Variants in SHPRH observed in about 807,000 individuals in gnomAD.
SHPRH encodes E3 ubiquitin-protein ligase SHPRH.
Under a neutral mutation model 202.5 loss-of-function variants are expected in SHPRH, and 106 were observed. The ratio of observed to expected loss-of-function variants is 0.52; its 90% CI spans 0.45 to 0.62. SHPRH has a LOEUF of 0.62. SHPRH is among the 20% of genes least tolerant of loss of function. The pLI is 0.00. For synonymous variants in SHPRH, 729 were observed against 686.0 expected (o/e 1.06, Z -0.98); for missense variants, 1,710 against 2,020.0 (o/e 0.85, Z 2.94).
chr6:145,920,575 A>AT (rs60811688), intron 21 of SHPRH, among the ~76,000 whole-genome samples: 96,231 of 151,914 alleles, frequency 0.63, 30,994 homozygotes, highest in African/African-American at 0.73. Flanking sequence ...GTCATTATAA[A>AT]AAAACACTTC....
Position 145,916,961 on chromosome 6 carries a change from A to G in SHPRH, c.4254+1170T>C, listed in dbSNP as rs190798986. ...ATTCCAGCTAATTTTTTGTATCTTTAGTAGAGACAGGGTTTCACCATGTTG... is the reference window on the plus strand; with the variant it reads ...ATTCCAGCTAATTTTTTGTATCTTTGGTAGAGACAGGGTTTCACCATGTTG... On this transcript the variant is annotated intron_variant, in intron 23 of 29. Coordinates refer to ENST00000275233, the MANE Select transcript of SHPRH (RefSeq NM_001042683.3). 2.6e-5 allele frequency among the ~76,000 whole-genome samples: 4 copies of G among 152,218 alleles called. No individual in the cohort carries two copies. The East Asian group carries it at 7.7e-4, about 29-fold the overall frequency.
At chr6:145,908,652 A>G (rs1205015703) in intron 25 of SHPRH, 1 of 152,098 alleles carries the variant, frequency 6.6e-6, no homozygotes, top group African/African-American at 2.4e-5. Context: ...AATTCTGGAT[A>G]TTAGACCTCT....
chr6:145,915,479 A>T (rs1449698621), intron 23 of SHPRH, among the ~76,000 whole-genome samples: 1 of 151,892 alleles, frequency 6.6e-6, no homozygotes, highest in Non-Finnish European at 1.5e-5. Context: ...TTTACTGGAG[A>T]TGAATTCTTC....
chr6:145,923,743 C>G lies in SHPRH; in HGVS notation c.3445G>C (p.Ala1149Pro). ...TCCTCATCAATAGTAAATTCTATTG[C>G]TCTGTGGATCACATTTAGCCACCAA... is the stretch of plus-strand genomic sequence containing the variant. The part of the protein sequence containing the change: ...SPWWLNVIHR[A>P]IEFTIDEELV... Residue 1149 changes from alanine to proline, a missense_variant, in exon 18 of 30, where the codon GCA becomes CCA. Physicochemically the swap from Ala to Pro is conservative, Grantham distance 27. Transcript: ENST00000275233. The G allele has an allele frequency of 6.2e-7, 1 of 1,611,496 alleles. No homozygotes were observed. The highest frequency in any genetic ancestry group is 8.5e-7 in the Non-Finnish European group (1 of 1,178,456).
rs766471593 is a variant in SHPRH at position 145,948,318 on chromosome 6, C to A, written c.1015G>T (p.Val339Phe). 3 of 1,605,650 alleles carry A rather than the reference C, an allele frequency of 1.9e-6. No homozygotes were observed. The highest frequency in any genetic ancestry group is 1.3e-5 in the African/African-American group (1 of 74,660). The change falls in exon 5 of 30, where the codon GTT becomes TTT. Residue 339 changes from valine (V) to phenylalanine (F), a missense_variant. Coordinates refer to ENST00000275233, the MANE Select transcript of SHPRH (RefSeq NM_001042683.3). ...TAGAGTTTCAGACCCTCAGATGTAACAATCTCTCGCCATAAGAAGTGCAGG... is the reference window on the plus strand; with the variant it reads ...TAGAGTTTCAGACCCTCAGATGTAAAAATCTCTCGCCATAAGAAGTGCAGG... ...SALHFLWREIVTSEGLKLYYN... is the reference protein window; with the variant it reads ...SALHFLWREIFTSEGLKLYYN...
intron 14 of SHPRH, among the ~76,000 whole-genome samples, chr6:145,931,717 G>A (rs1038013326): frequency 2.0e-5 from 3 of 151,912 alleles, no homozygotes; most frequent in Non-Finnish European, 2.9e-5. Flanking sequence ...GGTGGCTGTA[G>A]GGTGCACATT....
At chr6:145,945,261 T>G in intron 8 of SHPRH, 120 bp downstream of exon 8, 1 of 1,207,572 alleles carries the variant, frequency 8.3e-7, no homozygotes, top group Non-Finnish European at 1.1e-6. Context: ...TATAAGTACT[T>G]TTCCTATTTT....
chr6:145,930,320 A>C (rs965092192), intron 14 of SHPRH, among the ~76,000 whole-genome samples: 3 of 151,902 alleles, frequency 2.0e-5, no homozygotes, highest in African/African-American at 7.2e-5. Context: ...TTTTTTTTTA[A>C]ATTTCTTAAG....
downstream of SHPRH, chr6:145,883,608 C>G (rs1780748286): frequency 6.6e-6 from 1 of 152,194 alleles, no homozygotes; most frequent in Admixed American, 6.5e-5. Flanking sequence ...CACAATGTAA[C>G]AGAGGTACAC....
At chr6:145,874,209 A>AAATAAT (rs58669613) in intron 2 of SHPRH, among the ~76,000 whole-genome samples, 5,254 of 147,854 alleles carry the variant, frequency 0.036, 267 homozygotes, top group African/African-American at 0.11. Context: ...AAAAATAATA[A>AAATAAT]AATAATAATA....
At chr6:145,937,821 T>C (rs953466704) in intron 11 of SHPRH, among the ~76,000 whole-genome samples, 8 of 152,198 alleles carry the variant, frequency 5.3e-5, no homozygotes, top group Non-Finnish European at 1.2e-4. Context: ...CCTCTTTACC[T>C]AGCTCATGTT....
chr6:145,960,113 C>T (rs1788935359), intron 1 of SHPRH, among the ~76,000 whole-genome samples: 1 of 152,196 alleles, frequency 6.6e-6, no homozygotes, highest in African/African-American at 2.4e-5. Flanking sequence ...GGAGGCTAAT[C>T]TAGGCTAGGT....
Position 145,948,303 on chromosome 6 carries a change from G to C in SHPRH, c.1030C>G (p.Leu344Val). 1 of 1,603,674 alleles carries C rather than the reference G, an allele frequency of 6.2e-7. No individual in the cohort carries two copies. The highest frequency in any genetic ancestry group is 8.5e-7 in the Non-Finnish European group (1 of 1,174,624). ...GTATATGGATTATAGTAGAGTTTCA[G>C]ACCCTCAGATGTAACAATCTCTCGC... Reference protein sequence around the residue: ...LWREIVTSEGLKLYYNPYTGC... With the variant: ...LWREIVTSEGVKLYYNPYTGC... Residue 344 changes from leucine to valine, a missense_variant, in exon 5 of 30, where the codon CTG becomes GTG. Coordinates refer to ENST00000275233, the MANE Select transcript of SHPRH (RefSeq NM_001042683.3).
intron 19 of SHPRH, 40 bp from the exon 20 acceptor site, chr6:145,922,388 A>G: frequency 6.5e-7 from 1 of 1,536,852 alleles, no homozygotes; most frequent in Non-Finnish European, 8.7e-7. Flanking sequence ...CACAAACATA[A>G]CCAGCAATCT....
chr6:145,906,525 T>C (rs1376539303), intron 25 of SHPRH: 8 of 152,118 alleles, frequency 5.3e-5, no homozygotes, highest in Admixed American at 5.2e-4. Context: ...ACATCAACAT[T>C]CTCCTTCTTT....
intron 22 of SHPRH, 44 bp downstream of exon 22, chr6:145,919,304 C>T (rs759293708): frequency 6.2e-7 from 1 of 1,608,032 alleles, no homozygotes; most frequent in Admixed American, 1.7e-5. Flanking sequence ...ATATCTGTGA[C>T]ATCTGCTTGC....
At chr6:145,930,348 C>T (rs923380440) in intron 14 of SHPRH, among the ~76,000 whole-genome samples, 6 of 151,268 alleles carry the variant, frequency 4.0e-5, no homozygotes, top group African/African-American at 4.9e-5. Context: ...CTGAAGTCTC[C>T]GATATGAAAC....
At position 145,864,283 on chromosome 6, in the gene SHPRH, A is replaced by C. The variant is rs1354934634; in HGVS notation, c.*40T>G. ...TGTTTATTCCTTACAGACATGTATT[A>C]CTGAATAAGCCCCATAATTTTTACT... On this transcript the variant is annotated 3_prime_UTR_variant, in exon 3 of 3. Coordinates refer to the SHPRH transcript ENST00000417762. 1.0e-5 allele frequency: 3 copies of C among 294,802 alleles called. No individual in the cohort carries two copies. In the East Asian group the frequency reaches 2.8e-4, roughly 27 times the overall value. The allele number at this position is 294,802 out of a possible 1,614,324, so 18.3% of individuals were successfully genotyped here. A position where few individuals can be genotyped will look rare whatever the true frequency, so the allele number is the denominator to read the frequency against.
At chr6:145,926,060 CACA>C (rs1784849714) in intron 16 of SHPRH, 141 bp downstream of exon 16, 3 of 768,010 alleles carry the variant, frequency 3.9e-6, no homozygotes, top group Non-Finnish European at 6.2e-6. Flanking sequence ...TACCCAAAAT[CACA>C]ACAAAATTCG....
Sources: allele counts gnomAD v4.1 joint callset (sites outside exome capture counted in the v4.1 genomes callset), GRCh38; gene constraint gnomAD v4.1.1; transcripts MANE v1.5; gene names NCBI Gene and HGNC (gene_info 2026-07-23, HGNC 2026-07-21).